STK32B: variants seen among roughly 807,000 people sequenced by gnomAD.
STK32B encodes serine/threonine-protein kinase 32B.
Under a neutral mutation model 52.6 loss-of-function variants are expected in STK32B, and 43 were observed. That is an observed-to-expected ratio of 0.82 (90% confidence interval 0.64 to 1.05). STK32B has a LOEUF of 1.05. Ranked by LOEUF, STK32B falls within the 50% of genes least tolerant of loss-of-function variation. The pLI is 0.00. For synonymous variants in STK32B, 238 were observed against 204.3 expected, an observed-to-expected ratio of 1.17 and a Z score of -1.41; for missense variants, 621 against 534.6, an observed-to-expected ratio of 1.16 and a Z score of -1.59.
chr4:5,067,994 C>T (rs1187658171), intron 1 of STK32B, among the ~76,000 whole-genome samples: 2 of 152,132 alleles, frequency 1.3e-5, no homozygotes, highest in African/African-American at 4.8e-5. Context: ...CCGGATCCCA[C>T]CTCCAGCACT....
intron 1 of STK32B, chr4:5,127,196 A>G: frequency 2.1e-6 from 1 of 467,226 alleles, no homozygotes; most frequent in Middle Eastern, 3.2e-4. Flanking sequence ...AACATCTTCC[A>G]TTAGCTGCCA....
At chr4:5,200,032 C>T (rs1456220486) in intron 3 of STK32B, among the ~76,000 whole-genome samples, 1 of 152,110 alleles carries the variant, frequency 6.6e-6, no homozygotes, top group Non-Finnish European at 1.5e-5. Context: ...GAACAAAGGC[C>T]CCACCACAGG....
At chr4:5,235,566 C>T (rs7656213) in intron 3 of STK32B, among the ~76,000 whole-genome samples, 129,019 of 151,874 alleles carry the variant, frequency 0.85, 56,425 homozygotes, top group Non-Finnish European at 0.96. Flanking sequence ...TAGAAAGTTA[C>T]ACCTTAGCCA....
chr4:5,377,191 T>C (rs761811969), intron 4 of STK32B, among the ~76,000 whole-genome samples: 3 of 152,160 alleles, frequency 2.0e-5, no homozygotes, highest in Non-Finnish European at 4.4e-5. Flanking sequence ...GAAATATTCT[T>C]TAAAAATACC....
chr4:5,177,881 C>G (rs187319360), intron 3 of STK32B, among the ~76,000 whole-genome samples: 15 of 152,364 alleles, frequency 9.8e-5, no homozygotes, highest in Middle Eastern at 3.4e-3. Context: ...GCAGCTCTGC[C>G]TCTGTGGCTT....
chr4:5,144,205 A>G (rs1716727899), intron 2 of STK32B, among the ~76,000 whole-genome samples: 1 of 152,134 alleles, frequency 6.6e-6, no homozygotes. Context: ...AAAACTGGAC[A>G]AACAAGGATT....
intron 3 of STK32B, among the ~76,000 whole-genome samples, chr4:5,232,818 A>G (rs73211114): frequency 0.053 from 8,106 of 152,220 alleles, 335 homozygotes; most frequent in African/African-American, 0.11. Context: ...CCCCACACCA[A>G]TAGGTTCTGT....
chr4:5,309,919 A>C lies in STK32B; in HGVS notation c.261-21301A>C, dbSNP rs140493595. 4.1e-3 allele frequency among the ~76,000 whole-genome samples: 627 copies of C among 152,322 alleles called. 5 individuals carry two copies. Among genetic ancestry groups the C allele is most frequent in the Middle Eastern group, 0.014 (4 of 294 alleles). ...GGTAGCTCATGCTTGTAATCCCAGC[A>C]CTTTGGGAGGCCAAGGCAAGTGGAT... On this transcript the variant is annotated intron_variant, in intron 3 of 11. Coordinates refer to ENST00000282908, the MANE Select transcript of STK32B (RefSeq NM_018401.3).
chr4:5,297,146 G>A (rs866878428), intron 3 of STK32B, among the ~76,000 whole-genome samples: 13 of 152,130 alleles, frequency 8.5e-5, no homozygotes, highest in Non-Finnish European at 1.0e-4. Flanking sequence ...AGAGATATCC[G>A]CTATTAGTCT....
Position 5,469,304 on chromosome 4 carries a change from C to A in STK32B, c.1106+1234C>A, listed in dbSNP as rs16837329. ...TTTGGCTTTCAGCAGATGCTAACAGCGCAGGAAACACGTGCTAAGGCCAAG... is the reference window on the plus strand; with the variant it reads ...TTTGGCTTTCAGCAGATGCTAACAGAGCAGGAAACACGTGCTAAGGCCAAG... On this transcript the variant is annotated intron_variant, in intron 11 of 11. Transcript: ENST00000282908. The surrounding 1 kb of genome is among the most constrained non-coding windows in gnomAD (Gnocchi z 4.7). Among the ~76,000 whole-genome samples, 4,304 of 152,288 alleles carry A rather than the reference C, an allele frequency of 0.028. 202 individuals carry two copies. The highest frequency in any genetic ancestry group is 0.098 in the African/African-American group (4,089 of 41,546).
intron 1 of STK32B, among the ~76,000 whole-genome samples, chr4:5,126,766 ATC>A (rs952950425): frequency 1.6e-4 from 24 of 152,328 alleles, no homozygotes; most frequent in Admixed American, 7.2e-4. Context: ...AAGGCCGCCT[ATC>A]TCTCAACAAA....
At chr4:5,435,701 C>T (rs1180602883) in intron 6 of STK32B, 4 of 152,004 alleles carry the variant, frequency 2.6e-5, no homozygotes, top group Admixed American at 2.6e-4. Flanking sequence ...TTCTTGGTAC[C>T]AGGCAGGGGA....
chr4:5,357,682 C>T (rs1490629868), intron 4 of STK32B, among the ~76,000 whole-genome samples: 1 of 125,592 alleles, frequency 8.0e-6, no homozygotes, highest in Non-Finnish European at 1.6e-5. Flanking sequence ...TTTAAATATT[C>T]ACACATTCTG....
chr4:5,439,876 C>T (rs1185355308), intron 6 of STK32B, among the ~76,000 whole-genome samples: 1 of 152,018 alleles, frequency 6.6e-6, no homozygotes, highest in Non-Finnish European at 1.5e-5. Flanking sequence ...TTCCCCATTG[C>T]TTGTTTTTCT....
chr4:5,114,539 A>C (rs1424126459), intron 1 of STK32B, among the ~76,000 whole-genome samples: 1 of 152,102 alleles, frequency 6.6e-6, no homozygotes, highest in Non-Finnish European at 1.5e-5. Context: ...GCTCCCAGTA[A>C]ATATGCATTA....
intron 3 of STK32B, among the ~76,000 whole-genome samples, chr4:5,218,967 C>T (rs1723351898): frequency 6.6e-6 from 1 of 152,178 alleles, no homozygotes; most frequent in African/African-American, 2.4e-5. Context: ...GGCAAGGAGA[C>T]TCATATTCCC....
intron 3 of STK32B, among the ~76,000 whole-genome samples, chr4:5,219,345 C>T (rs1239579470): frequency 6.6e-6 from 1 of 152,222 alleles, no homozygotes; most frequent in Non-Finnish European, 1.5e-5. Context: ...TGTAGAGGAA[C>T]CCAGCAAACG....
At chr4:5,068,548 T>C (rs1275171065) in intron 1 of STK32B, among the ~76,000 whole-genome samples, 3 of 152,214 alleles carry the variant, frequency 2.0e-5, no homozygotes, top group African/African-American at 7.2e-5. Flanking sequence ...GGTGACATAA[T>C]TGTGGTGCTT....
chr4:5,419,015 T>TTTC, intron 6 of STK32B, among the ~76,000 whole-genome samples: 1 of 152,206 alleles, frequency 6.6e-6, no homozygotes. Context: ...CGGCTATAAC[T>TTTC]TTCTTATTGT....
Sources: gnomAD v4.1 joint callset for allele counts (sites outside exome capture counted in the v4.1 genomes callset) on GRCh38, gnomAD v4.1.1 for gene constraint, Gnocchi (gnomAD v3.1) non-coding constraint, MANE v1.5 for transcripts, NCBI Gene and HGNC (gene_info 2026-07-23, HGNC 2026-07-21) for gene names.